Variants in LRRC4C observed in about 807,000 individuals in gnomAD.
The protein encoded by LRRC4C is leucine-rich repeat-containing protein 4C.
A neutral mutation model predicts 33.6 loss-of-function variants in LRRC4C; 5 were observed. That is an observed-to-expected ratio of 0.15 (90% CI 0.08 to 0.31). The LOEUF (loss-of-function observed/expected upper bound fraction) is 0.31. LRRC4C is among the 10% of genes least tolerant of loss of function. LRRC4C has a pLI of 1.00. For synonymous variants in LRRC4C, 329 were observed against 302.0 expected (o/e 1.09, Z -0.93); for missense variants, 560 against 796.7 (o/e 0.70, Z 3.58).
intron 3 of LRRC4C, among the ~76,000 whole-genome samples, chr11:40,644,008 A>C (rs2136105592): frequency 6.6e-6 from 1 of 152,346 alleles, no homozygotes; most frequent in Non-Finnish European, 1.5e-5. Context: ...AAAAAACATT[A>C]GATGCTAATA....
intron 2 of LRRC4C, among the ~76,000 whole-genome samples, chr11:40,829,881 G>A (rs896918226): frequency 6.6e-6 from 1 of 151,844 alleles, no homozygotes; most frequent in South Asian, 2.1e-4. Flanking sequence ...AACTAATAAC[G>A]CAGACACAAT....
intron 3 of LRRC4C, among the ~76,000 whole-genome samples, chr11:40,389,955 G>A (rs1314052623): frequency 6.6e-6 from 1 of 152,124 alleles, no homozygotes; most frequent in Non-Finnish European, 1.5e-5. Flanking sequence ...AGAGTTAGAA[G>A]TCACCCCTAG....
At chr11:41,233,793 G>C (rs1947904678) in intron 1 of LRRC4C, among the ~76,000 whole-genome samples, 1 of 151,870 alleles carries the variant, frequency 6.6e-6, no homozygotes, top group African/African-American at 2.4e-5. Context: ...TTTTCAGACA[G>C]CAAAAGGGGA....
chr11:40,311,322 C>G (rs1251623399), intron 4 of LRRC4C, among the ~76,000 whole-genome samples: 1 of 152,170 alleles, frequency 6.6e-6, no homozygotes, highest in Non-Finnish European at 1.5e-5. Flanking sequence ...CAGGGCCTGT[C>G]TTTGTTTCCC....
At chr11:41,455,120 T>C (rs148719161) in intron 1 of LRRC4C, among the ~76,000 whole-genome samples, 7 of 152,262 alleles carry the variant, frequency 4.6e-5, no homozygotes, top group Non-Finnish European at 1.0e-4. Context: ...CAAGTCAGCT[T>C]TTTAATTCTG....
At chr11:41,044,696 C>G (rs184953367) in intron 1 of LRRC4C, among the ~76,000 whole-genome samples, 1 of 152,154 alleles carries the variant, frequency 6.6e-6, no homozygotes, top group Admixed American at 6.5e-5. Context: ...CACAACAGAT[C>G]AAGTAGAACG....
intron 2 of LRRC4C, among the ~76,000 whole-genome samples, chr11:40,873,201 G>C (rs994790086): frequency 1.1e-4 from 17 of 152,050 alleles, no homozygotes; most frequent in African/African-American, 4.1e-4. Context: ...TGCAAAATGA[G>C]GATAATAAAA....
At chr11:41,249,091 G>A (rs1565516674) in intron 1 of LRRC4C, among the ~76,000 whole-genome samples, 1 of 150,726 alleles carries the variant, frequency 6.6e-6, no homozygotes, top group South Asian at 2.1e-4. Context: ...CTAGAGTGCA[G>A]TGGCACGATC....
At chr11:41,441,231 G>A (rs995659514) in intron 1 of LRRC4C, among the ~76,000 whole-genome samples, 2 of 152,154 alleles carry the variant, frequency 1.3e-5, no homozygotes, top group African/African-American at 4.8e-5. Flanking sequence ...TCCAGAATGA[G>A]GAACTGAGGC....
intron 3 of LRRC4C, among the ~76,000 whole-genome samples, chr11:40,409,480 A>C (rs1038366559): frequency 4.6e-5 from 7 of 152,112 alleles, no homozygotes; most frequent in African/African-American, 1.7e-4. Flanking sequence ...AAACATTTGC[A>C]AACCATATAT....
chr11:40,876,703 G>A (rs1954909035), intron 2 of LRRC4C, among the ~76,000 whole-genome samples: 1 of 151,900 alleles, frequency 6.6e-6, no homozygotes, highest in African/African-American at 2.4e-5. Flanking sequence ...AGGAGATTGA[G>A]ACCTTACTGG....
intron 3 of LRRC4C, among the ~76,000 whole-genome samples, chr11:40,526,747 T>C (rs996879995): frequency 1.3e-5 from 2 of 152,168 alleles, no homozygotes; most frequent in African/African-American, 4.8e-5. Flanking sequence ...AGAATGCTCA[T>C]AGAGTTATTT....
At chr11:40,386,081 T>A (rs2137401553) in intron 3 of LRRC4C, among the ~76,000 whole-genome samples, 1 of 151,150 alleles carries the variant, frequency 6.6e-6, no homozygotes, top group African/African-American at 2.4e-5. Context: ...ATATAATAAA[T>A]TAAAAAACAT....
intron 3 of LRRC4C, among the ~76,000 whole-genome samples, chr11:40,395,601 T>C (rs889026194): frequency 2.0e-5 from 3 of 152,180 alleles, no homozygotes; most frequent in African/African-American, 7.2e-5. Context: ...ATCACTTAAC[T>C]TTTTTGAGTC....
At chr11:40,279,095 T>C (rs1943304015) in intron 4 of LRRC4C, among the ~76,000 whole-genome samples, 1 of 152,182 alleles carries the variant, frequency 6.6e-6, no homozygotes, top group African/African-American at 2.4e-5. Flanking sequence ...CAGGAGTCCC[T>C]GTGACATTGG....
intron 1 of LRRC4C, among the ~76,000 whole-genome samples, chr11:41,377,400 C>G (rs1353765183): frequency 6.6e-6 from 1 of 152,104 alleles, no homozygotes; most frequent in African/African-American, 2.4e-5. Flanking sequence ...TAATAAGCAG[C>G]CTGGGCTAGA....
chr11:40,742,323 C>T (rs1948197319), intron 2 of LRRC4C, among the ~76,000 whole-genome samples: 1 of 151,958 alleles, frequency 6.6e-6, no homozygotes, highest in African/African-American at 2.4e-5. Context: ...GGATACAAAA[C>T]ATGGCAGATA....
intron 2 of LRRC4C, among the ~76,000 whole-genome samples, chr11:40,798,358 T>A (rs2135248499): frequency 6.6e-6 from 1 of 152,290 alleles, no homozygotes; most frequent in South Asian, 2.1e-4. Flanking sequence ...ACACATTTTT[T>A]ATACACAGGC....
intron 1 of LRRC4C, among the ~76,000 whole-genome samples, chr11:41,256,618 T>G (rs1948809996): frequency 6.6e-6 from 1 of 152,104 alleles, no homozygotes; most frequent in South Asian, 2.1e-4. Context: ...TCAACTCATA[T>G]GTAGAAAGGA....
Sources: allele counts gnomAD v4.1 joint callset (sites outside exome capture counted in the v4.1 genomes callset), GRCh38; gene constraint gnomAD v4.1.1; transcripts MANE v1.5; gene names NCBI Gene and HGNC (gene_info 2026-07-23, HGNC 2026-07-21).